Variants in UCHL3 observed in about 807,000 individuals in gnomAD.
UCHL3 encodes the protein ubiquitin carboxyl-terminal hydrolase isozyme L3.
Under a neutral mutation model 35.8 loss-of-function variants are expected in UCHL3, and 22 were observed. The observed-to-expected ratio is 0.61, with a 90% CI of 0.44 to 0.88. The LOEUF (loss-of-function observed/expected upper bound fraction) is 0.88, where lower values mean the gene tolerates loss of function less well. Ranked by LOEUF, UCHL3 falls within the 40% of genes least tolerant of loss-of-function variation. The pLI, the probability that UCHL3 is intolerant of heterozygous loss-of-function variation, is 0.00. For missense variants in UCHL3, 229 were observed against 276.9 expected (o/e 0.83, Z 1.23); for synonymous variants, 90 against 92.8 (o/e 0.97, Z 0.17).
chr13:75,585,228 C>T (rs913159248), intron 6 of UCHL3, among the ~76,000 whole-genome samples: 8 of 151,990 alleles, frequency 5.3e-5, no homozygotes, highest in Non-Finnish European at 1.2e-4. Context: ...ACATATATAC[C>T]TACTGAGATA....
At chr13:75,569,317 T>A (rs1026016917) in intron 5 of UCHL3, 143 bp from the exon 6 acceptor site, 5 of 544,472 alleles carry the variant, frequency 9.2e-6, no homozygotes, top group Non-Finnish European at 1.6e-5. Flanking sequence ...TTCTTAAATA[T>A]CTAGTACTAA....
chr13:75,560,807 A>C lies in UCHL3; in HGVS notation c.109A>C (p.Met37Leu). 6.3e-7 allele frequency: 1 copy of C among 1,598,810 alleles called. No individual in the cohort carries two copies. The highest frequency in any genetic ancestry group is 2.3e-5 in the East Asian group (1 of 44,368). Residue 37 changes from methionine (M) to leucine (L), a missense_variant, in exon 3 of 9, where the codon ATG (methionine) becomes CTG (leucine). Physicochemically the swap from Met to Leu is conservative, Grantham distance 15. Transcript: ENST00000377595. ...PNWQFVDVYG[M>L]DPELLSMVPR... Reference sequence around the variant, plus strand: ...CTGGCAATTCGTTGATGTATATGGAATGGATCCTGAACTCCTTAGCATGGT... The same window carrying C: ...CTGGCAATTCGTTGATGTATATGGACTGGATCCTGAACTCCTTAGCATGGT...
chr13:75,567,388 C>A, intron 5 of UCHL3, 76 bp downstream of exon 5: 1 of 1,296,468 alleles, frequency 7.7e-7, no homozygotes, highest in Non-Finnish European at 1.1e-6. Context: ...GGGGTTTTGT[C>A]TTGAAACCAT....
At chr13:75,576,990 C>T (rs754578079) in intron 6 of UCHL3, among the ~76,000 whole-genome samples, 1 of 152,106 alleles carries the variant, frequency 6.6e-6, no homozygotes, top group African/African-American at 2.4e-5. Flanking sequence ...TAGCTCATGC[C>T]AGTAATGCCA....
intron 7 of UCHL3, among the ~76,000 whole-genome samples, chr13:75,601,563 T>A (rs2138588591): frequency 6.6e-6 from 1 of 152,354 alleles, no homozygotes; most frequent in South Asian, 2.1e-4. Context: ...AAGTGTTTTT[T>A]AATTAAGGTA....
chr13:75,572,196 T>C (rs2031884423), intron 6 of UCHL3, among the ~76,000 whole-genome samples: 1 of 152,200 alleles, frequency 6.6e-6, no homozygotes, highest in Admixed American at 6.5e-5. Flanking sequence ...CTCTTGCACT[T>C]CTTCTATCCA....
At chr13:75,579,609 C>T (rs930400347) in intron 6 of UCHL3, among the ~76,000 whole-genome samples, 1 of 151,626 alleles carries the variant, frequency 6.6e-6, no homozygotes, top group South Asian at 2.1e-4. Context: ...CTTTTCTGAT[C>T]TCAGAATTTT....
At chr13:75,549,617 C>G (rs2138435736), upstream of UCHL3, 1 of 484,680 alleles carries the variant, frequency 2.1e-6, no homozygotes, top group East Asian at 3.4e-5. Context: ...TCGGCAGCAT[C>G]TTAATTTAAA....
chr13:75,587,826 G>C (rs957600915), intron 6 of UCHL3, among the ~76,000 whole-genome samples: 1 of 152,146 alleles, frequency 6.6e-6, no homozygotes, highest in African/African-American at 2.4e-5. Context: ...AAGGGATGAG[G>C]TAATGTCTTT....
At chr13:75,588,360 C>T (rs1395872371) in intron 6 of UCHL3, among the ~76,000 whole-genome samples, 1 of 152,018 alleles carries the variant, frequency 6.6e-6, no homozygotes, top group Non-Finnish European at 1.5e-5. Context: ...TCATTTATTT[C>T]CCCTTTTTAT....
At chr13:75,595,023 A>T (rs1342757824) in intron 7 of UCHL3, 33 bp downstream of exon 7, 1 of 1,471,322 alleles carries the variant, frequency 6.8e-7, no homozygotes. Context: ...CTGGGGAGAG[A>T]AATGGTAAAT....
rs899688645 is a variant in UCHL3 at position 75,590,074 on chromosome 13, G to A, written c.475-4841G>A. Reference sequence around the variant, plus strand: ...GCAAAGGCTACCAGTCCATCTCTCCGTCTTCGTCGCTGGCGACCCTTCTTA... The same window carrying A: ...GCAAAGGCTACCAGTCCATCTCTCCATCTTCGTCGCTGGCGACCCTTCTTA... On this transcript the variant is annotated intron_variant, in intron 6 of 8. Transcript: ENST00000377595. 3.5e-5 allele frequency: 46 copies of A among 1,304,232 alleles called. No individual in the cohort carries two copies. The African/African-American group carries it at 5.5e-4, about 16-fold the overall frequency. 80.8% of individuals were successfully genotyped at this position (1,304,232 alleles called of 1,614,324 possible).
At chr13:75,570,785 A>G (rs548034355) in intron 6 of UCHL3, among the ~76,000 whole-genome samples, 1 of 152,042 alleles carries the variant, frequency 6.6e-6, no homozygotes, top group Non-Finnish European at 1.5e-5. Flanking sequence ...TGGTGCATGC[A>G]CCTGTAGCAC....
chr13:75,561,700 G>T (rs192531275), intron 3 of UCHL3, among the ~76,000 whole-genome samples: 11 of 151,778 alleles, frequency 7.2e-5, no homozygotes, highest in African/African-American at 2.7e-4. Context: ...ATTATAAATA[G>T]CTGTTCTTTG....
intron 6 of UCHL3, among the ~76,000 whole-genome samples, chr13:75,587,062 A>G (rs977692180): frequency 2.0e-5 from 3 of 151,678 alleles, no homozygotes; most frequent in African/African-American, 7.2e-5. Context: ...AAATGCATAA[A>G]AGGTAGAAAT....
At chr13:75,569,762 G>A (rs2031794657) in intron 6 of UCHL3, among the ~76,000 whole-genome samples, 1 of 152,208 alleles carries the variant, frequency 6.6e-6, no homozygotes, top group Non-Finnish European at 1.5e-5. Flanking sequence ...TGCAGATTGT[G>A]TGCTGTTTGT....
chr13:75,560,226 T>G (rs1284741126), intron 2 of UCHL3, among the ~76,000 whole-genome samples: 1 of 152,186 alleles, frequency 6.6e-6, no homozygotes, highest in Non-Finnish European at 1.5e-5. Context: ...TAGGATAAAC[T>G]ATGTTGATTT....
chr13:75,569,542 A>G, intron 6 of UCHL3, 35 bp downstream of exon 6: 1 of 1,558,662 alleles, frequency 6.4e-7, no homozygotes, highest in South Asian at 1.2e-5. Flanking sequence ...TTCTTGCTAT[A>G]AATTTAACCA....
chr13:75,564,852 C>T (rs2031634492), intron 3 of UCHL3, among the ~76,000 whole-genome samples: 1 of 152,000 alleles, frequency 6.6e-6, no homozygotes, highest in South Asian at 2.1e-4. Context: ...TGTGCCACCA[C>T]ACCTGGCTAA....
Sources: gnomAD v4.1 joint callset for allele counts (sites outside exome capture counted in the v4.1 genomes callset) on GRCh38, gnomAD v4.1.1 for gene constraint, MANE v1.5 for transcripts, NCBI Gene and HGNC (gene_info 2026-07-23, HGNC 2026-07-21) for gene names.